ARHGEF7: variants seen among roughly 807,000 people sequenced by gnomAD.
ARHGEF7 encodes the protein Rho guanine nucleotide exchange factor 7.
ARHGEF7 carries 33 observed loss-of-function variants against 109.8 expected under a neutral mutation model. The observed-to-expected ratio is 0.30, with a 90% CI of 0.23 to 0.40. The LOEUF (loss-of-function observed/expected upper bound fraction) is 0.40, where lower values mean the gene tolerates loss of function less well. ARHGEF7 is among the 10% of genes least tolerant of loss of function. The pLI is 1.00. For synonymous variants in ARHGEF7, 458 were observed against 424.6 expected (o/e 1.08, Z -0.97); for missense variants, 938 against 1,098.5 (o/e 0.85, Z 2.07).
At chr13:111,275,796 A>C (rs1333040773) in intron 12 of ARHGEF7, 118 bp downstream of exon 12, 1 of 1,303,454 alleles carries the variant, frequency 7.7e-7, no homozygotes, top group African/African-American at 1.5e-5. Context: ...CTATCTTATA[A>C]TTTGTGAGCT....
In ARHGEF7 at chr13:111,229,317, G is replaced by C. The variant is rs562430468; in HGVS notation, c.671-3888G>C. 3.3e-5 allele frequency among the ~76,000 whole-genome samples: 5 copies of C among 151,982 alleles called. No individual in the cohort carries two copies. In the East Asian group the frequency reaches 9.6e-4, roughly 29 times the overall value. ...ATCCGCGTATTTTAATCTACTTTGCGTATCTGTTTGTTTCACTGTGCTGTA... is the reference window on the plus strand; with the variant it reads ...ATCCGCGTATTTTAATCTACTTTGCCTATCTGTTTGTTTCACTGTGCTGTA... On this transcript the variant is annotated intron_variant, in intron 5 of 21. Transcript: ENST00000646102.
chr13:111,277,683 A>C lies in ARHGEF7; in HGVS notation c.1506+10A>C, dbSNP rs775822926. 2.0e-6 allele frequency: 3 copies of C among 1,531,216 alleles called. No individual in the cohort carries two copies. The highest frequency in any genetic ancestry group is 2.8e-5 in the African/African-American group (2 of 72,056). 94.9% of individuals were successfully genotyped at this position (1,531,216 alleles called of 1,614,324 possible). A position where few individuals can be genotyped will look rare whatever the true frequency, so the allele number is the denominator to read the frequency against. Reference sequence around the variant, plus strand: ...TGGCTTTATCTATCAGGTAAAACACAATTTAAATTTATATTTTATTGTGGA... The same window carrying C: ...TGGCTTTATCTATCAGGTAAAACACCATTTAAATTTATATTTTATTGTGGA... On this transcript the variant is annotated intron_variant, in intron 13 of 21. Transcript: ENST00000646102.
rs531098500 is a variant in ARHGEF7 at position 111,124,035 on chromosome 13, T to A, written c.165+8344T>A. 2.7e-5 allele frequency among the ~76,000 whole-genome samples: 4 copies of A among 150,352 alleles called. No homozygotes were observed. The East Asian group carries it at 7.8e-4, about 29-fold the overall frequency. On this transcript the variant is annotated intron_variant, in intron 1 of 21. Transcript: ENST00000646102. ...TTTTTATTTTGACCTACTTTGGCTA[T>A]TTTTTTTTTAATTTCTAAAAGTTCT... is the stretch of plus-strand genomic sequence containing the variant.
chr13:111,132,937 TA>T (rs1030951565), intron 1 of ARHGEF7, among the ~76,000 whole-genome samples: 2 of 151,954 alleles, frequency 1.3e-5, no homozygotes, highest in Non-Finnish European at 1.5e-5. Flanking sequence ...CACACATAAG[TA>T]CACACACATC....
Position 111,280,253 on chromosome 13 carries a change from G to T in ARHGEF7, c.1507-19G>T, listed in dbSNP as rs369334793. ...AAGCACTAATTGTTTTTTTTTTTGT[G>T]GGGGGGGGTCTTTTTTAGGGAAAGC... On this transcript the variant is annotated intron_variant, in intron 13 of 21. Coordinates refer to ENST00000646102, the MANE Select transcript of ARHGEF7 (RefSeq NM_001354046.2). 2.4e-4 allele frequency: 311 copies of T among 1,311,842 alleles called. No homozygotes were observed. Among genetic ancestry groups the T allele is most frequent in the Admixed American group, 4.6e-4 (21 of 45,924 alleles). The allele number at this position is 1,311,842 out of a possible 1,614,324, so 81.3% of individuals were successfully genotyped here.
In ARHGEF7 at chr13:111,239,135, A is replaced by AC; in HGVS notation, c.760-4732dup. 6.6e-6 allele frequency among the ~76,000 whole-genome samples: 1 copy of AC among 150,690 alleles called. No homozygotes were observed. Among genetic ancestry groups the AC allele is most frequent in the Non-Finnish European group, 1.5e-5 (1 of 67,666 alleles). ...GCGCTGCGTGCCCCTGCTCCCCCAC[A>AC]CCCCCGTGCCATGATTCAGTTACCT... On this transcript the variant is annotated intron_variant, in intron 6 of 21. Coordinates refer to ENST00000646102, the MANE Select transcript of ARHGEF7 (RefSeq NM_001354046.2). This position sits in a 1 kb window ranked among gnomAD's most constrained non-coding sequence, Gnocchi z 4.3.
rs1445805253 is a variant in ARHGEF7 at position 111,304,552 on chromosome 13, T to C, written c.*1439T>C. On this transcript the variant is annotated 3_prime_UTR_variant, in exon 22 of 22. Transcript: ENST00000646102. ...ATTTGACTCTCTGATTTTCTGTCTA[T>C]TGGCCAAATTGCCCTTTAACTGCAC... 1.3e-5 allele frequency: 2 copies of C among 152,280 alleles called. No individual in the cohort carries two copies. Among genetic ancestry groups the C allele is most frequent in the African/African-American group, 4.8e-5 (2 of 41,468 alleles). 9.4% of individuals were successfully genotyped at this position (152,280 alleles called of 1,614,324 possible).
At chr13:111,232,110 T>C (rs2086140987) in intron 5 of ARHGEF7, among the ~76,000 whole-genome samples, 1 of 152,130 alleles carries the variant, frequency 6.6e-6, no homozygotes, top group African/African-American at 2.4e-5. Flanking sequence ...TTGGTAGATC[T>C]ACCCCATGGA....
At chr13:111,165,406 A>G (rs1206853502) in intron 2 of ARHGEF7, among the ~76,000 whole-genome samples, 2 of 152,180 alleles carry the variant, frequency 1.3e-5, no homozygotes, top group African/African-American at 4.8e-5. Context: ...CATCACTTGT[A>G]TCTCCGCTGG....
chr13:111,301,611 G>T (rs2093569559), intron 21 of ARHGEF7, 79 bp downstream of exon 21: 1 of 1,236,844 alleles, frequency 8.1e-7, no homozygotes, highest in African/African-American at 1.5e-5. Context: ...AAAATAAGCT[G>T]GCTGGGTACG....
At chr13:111,261,037 A>G (rs61968017) in intron 8 of ARHGEF7, among the ~76,000 whole-genome samples, 27,010 of 152,108 alleles carry the variant, frequency 0.18, 3,271 homozygotes, top group East Asian at 0.69. Context: ...ACCAGAGAGA[A>G]TCACCTTTAC....
chr13:111,272,311 A>C lies in ARHGEF7; in HGVS notation c.1074-1503A>C, dbSNP rs368683604. On this transcript the variant is annotated intron_variant, in intron 9 of 21. Transcript: ENST00000646102. The surrounding 1 kb of genome is among the most constrained non-coding windows in gnomAD (Gnocchi z 5.2). ...CTCAGTTTCCTCTGGGTTAGCCAAAACACTGTCTGTCTTTTCCCCGGGAGC... is the reference window on the plus strand; with the variant it reads ...CTCAGTTTCCTCTGGGTTAGCCAAACCACTGTCTGTCTTTTCCCCGGGAGC... Among the ~76,000 whole-genome samples the C allele has an allele frequency of 2.0e-5, 3 of 152,136 alleles. No homozygotes were observed. Among genetic ancestry groups the C allele is most frequent in the Non-Finnish European group, 4.4e-5 (3 of 68,026 alleles).
intron 2 of ARHGEF7, among the ~76,000 whole-genome samples, chr13:111,180,319 TTGACTCAGACTGAAGCCATGAAC>T (rs1299643050): frequency 6.6e-6 from 1 of 152,218 alleles, no homozygotes; most frequent in African/African-American, 2.4e-5. Context: ...AAATCAGTCT[TTGACTCAGACTGAAGCCATGAAC>T]TGAATTTTAT....
chr13:111,244,105 AG>A (rs2088333936), intron 7 of ARHGEF7, 93 bp from the exon 8 acceptor site: 1 of 1,203,586 alleles, frequency 8.3e-7, no homozygotes, highest in Non-Finnish European at 1.2e-6. Flanking sequence ...GCTGTTTATT[AG>A]GTTAAGACTT....
chr13:111,275,356 C>T (rs1438914466), intron 11 of ARHGEF7, among the ~76,000 whole-genome samples, 176 bp from the exon 12 acceptor site: 1 of 152,204 alleles, frequency 6.6e-6, no homozygotes, highest in African/African-American at 2.4e-5. Context: ...TGGTTTCATA[C>T]TTCTAAGCAA....
Position 111,149,278 on chromosome 13 carries a change from T to C in ARHGEF7, c.166-4627T>C, listed in dbSNP as rs568567139. Among the ~76,000 whole-genome samples the C allele has an allele frequency of 2.6e-5, 4 of 151,724 alleles. No individual in the cohort carries two copies. The East Asian group carries it at 7.8e-4, about 29-fold the overall frequency. ...AAAAAGAAAAGAAAAGAAAAAGAAATACACTTCCAGATAAAACTTTGCTTT... is the reference window on the plus strand; with the variant it reads ...AAAAAGAAAAGAAAAGAAAAAGAAACACACTTCCAGATAAAACTTTGCTTT... On this transcript the variant is annotated intron_variant, in intron 1 of 21. Coordinates refer to ENST00000646102, the MANE Select transcript of ARHGEF7 (RefSeq NM_001354046.2).
At chr13:111,118,087 G>C (rs1027073430) in intron 1 of ARHGEF7, among the ~76,000 whole-genome samples, 1 of 152,280 alleles carries the variant, frequency 6.6e-6, no homozygotes, top group Admixed American at 6.5e-5. Context: ...AGGGCAAGTG[G>C]CCTGCAGCCT....
intron 19 of ARHGEF7, chr13:111,294,918 GT>G (rs772879980): frequency 2.3e-5 from 23 of 985,682 alleles, no homozygotes; most frequent in Admixed American, 6.2e-5. Flanking sequence ...TATTAATTGT[GT>G]TTTGCATAAA....
chr13:111,241,230 TG>T, intron 6 of ARHGEF7: 1 of 1,536,220 alleles, frequency 6.5e-7, no homozygotes, highest in Non-Finnish European at 8.7e-7. Context: ...CTGCGTCCTC[TG>T]GGTTCCCAGC....
Sources: allele counts gnomAD v4.1 joint callset (sites outside exome capture counted in the v4.1 genomes callset), GRCh38; gene constraint gnomAD v4.1.1; non-coding constraint Gnocchi (gnomAD v3.1); transcripts MANE v1.5; gene names NCBI Gene and HGNC (gene_info 2026-07-23, HGNC 2026-07-21).